PPP2R5A: variants seen among roughly 807,000 people sequenced by gnomAD.
PPP2R5A encodes the protein protein phosphatase 2 regulatory subunit B'alpha.
In PPP2R5A, 25 loss-of-function variants were observed where a neutral mutation model predicts 64.2. That is an observed-to-expected ratio of 0.39 (90% CI 0.28 to 0.54). The LOEUF (loss-of-function observed/expected upper bound fraction) is 0.54. Ranked by LOEUF, PPP2R5A falls within the 20% of genes least tolerant of loss-of-function variation. The probability of loss-of-function intolerance (pLI) is 0.67; values close to 1 mark genes in which losing one functional copy is unlikely to be tolerated. For synonymous variants in PPP2R5A, 198 were observed against 201.2 expected (o/e 0.98, Z 0.13); for missense variants, 425 against 576.3 (o/e 0.74, Z 2.69).
At chr1:212,331,573 A>G (rs777351439) in intron 2 of PPP2R5A, 11 of 152,162 alleles carry the variant, frequency 7.2e-5, no homozygotes, top group Non-Finnish European at 1.6e-4. Context: ...GAACATAAAT[A>G]CTAAATATTG....
chr1:212,356,802 T>C (rs1659984813), intron 9 of PPP2R5A, 126 bp downstream of exon 9: 1 of 1,298,920 alleles, frequency 7.7e-7, no homozygotes, highest in South Asian at 1.5e-5. Flanking sequence ...ACAGACTTGG[T>C]AGAAGACCTG....
intron 1 of PPP2R5A, among the ~76,000 whole-genome samples, chr1:212,327,397 A>G (rs1659424417): frequency 6.6e-6 from 1 of 152,120 alleles, no homozygotes; most frequent in South Asian, 2.1e-4. Flanking sequence ...TATTTTTGTA[A>G]TAAGTAGAAT....
Position 212,357,225 on chromosome 1 carries a change from T to C in PPP2R5A, c.1167T>C (p.Asp389=), listed in dbSNP as rs1414164466. ...YILSLIEENI[D]KILPIMFASL... ...TTAGTTTGATTGAGGAGAACATTGA[T>C]AAAATTCTGCCAATTATGTTTGCCA... The change falls in exon 11 of 13, where the codon GAT becomes GAC. Residue 389 remains aspartate, a synonymous_variant. Transcript: ENST00000261461. 3 of 1,596,602 alleles carry C rather than the reference T, an allele frequency of 1.9e-6. No homozygotes were observed. Among genetic ancestry groups the C allele is most frequent in the Non-Finnish European group, 2.6e-6 (3 of 1,174,642 alleles).
intron 11 of PPP2R5A, chr1:212,357,868 C>T (rs1233105290): frequency 6.6e-6 from 1 of 151,982 alleles, no homozygotes; most frequent in Non-Finnish European, 1.5e-5. Flanking sequence ...GCAATCATAC[C>T]TCACCGTAGC....
intron 1 of PPP2R5A, among the ~76,000 whole-genome samples, chr1:212,321,749 G>A (rs1347427693): frequency 2.7e-5 from 4 of 148,742 alleles, no homozygotes; most frequent in Admixed American, 6.6e-5. Context: ...GACGATGGGC[G>A]GCCAGGCAGA....
intron 1 of PPP2R5A, among the ~76,000 whole-genome samples, chr1:212,313,061 G>A (rs1162224137): frequency 6.6e-6 from 1 of 152,138 alleles, no homozygotes; most frequent in Admixed American, 6.5e-5. Context: ...CACCTCAGTA[G>A]CCCTATCTCT....
At position 212,360,647 on chromosome 1, in the gene PPP2R5A, G is replaced by C; in HGVS notation, c.1338G>C (p.Lys446Asn). 3.2e-6 allele frequency: 5 copies of C among 1,564,688 alleles called. No individual in the cohort carries two copies. Among genetic ancestry groups the C allele is most frequent in the Non-Finnish European group, 4.3e-6 (5 of 1,160,916 alleles). Reference protein sequence around the residue: ...SYKAERQREKKKELEREELWK... With the variant: ...SYKAERQREKNKELEREELWK... ...TTTGGTTTATCTACAGAGAGAAAAA[G>C]AAGGAATTGGAACGTGAAGAATTAT... The change falls in exon 13 of 13, where the codon AAG becomes AAC. Residue 446 changes from lysine to asparagine, a missense_variant. Coordinates refer to ENST00000261461, the MANE Select transcript of PPP2R5A (RefSeq NM_006243.4).
intron 12 of PPP2R5A, 141 bp from the exon 13 acceptor site, chr1:212,360,497 G>C: frequency 1.5e-6 from 1 of 664,420 alleles, no homozygotes; most frequent in Admixed American, 3.6e-5. Flanking sequence ...AGGTGCTCCA[G>C]GTAAGTGGAC....
chr1:212,286,642 C>T (rs957978194), intron 1 of PPP2R5A, among the ~76,000 whole-genome samples: 1 of 152,192 alleles, frequency 6.6e-6, no homozygotes. Flanking sequence ...CCCGGTCTTG[C>T]TTTAACAACC....
At chr1:212,329,590 A>G (rs1659464722) in intron 2 of PPP2R5A, among the ~76,000 whole-genome samples, 1 of 152,312 alleles carries the variant, frequency 6.6e-6, no homozygotes, top group Middle Eastern at 3.4e-3. Flanking sequence ...GCCTGGGATT[A>G]TACAGATTGA....
intron 12 of PPP2R5A, among the ~76,000 whole-genome samples, chr1:212,359,734 A>G (rs556180618): frequency 6.6e-6 from 1 of 152,350 alleles, no homozygotes; most frequent in Admixed American, 6.5e-5. Flanking sequence ...CTTCAAAGCC[A>G]TCCAGCCCAT....
At chr1:212,310,266 A>C (rs1405761443) in intron 1 of PPP2R5A, among the ~76,000 whole-genome samples, 1 of 151,398 alleles carries the variant, frequency 6.6e-6, no homozygotes, top group Non-Finnish European at 1.5e-5. Context: ...ATTTGTTCTA[A>C]CATCAGGAGG....
At chr1:212,351,108 AAAAAAC>A (rs1659870466) in intron 8 of PPP2R5A, among the ~76,000 whole-genome samples, 1 of 148,640 alleles carries the variant, frequency 6.7e-6, no homozygotes, top group Admixed American at 6.8e-5. Flanking sequence ...GACACAAAAA[AAAAAAC>A]AAAAAAACAA....
chr1:212,310,388 C>T (rs528750779), intron 1 of PPP2R5A, among the ~76,000 whole-genome samples: 1 of 152,160 alleles, frequency 6.6e-6, no homozygotes, highest in East Asian at 1.9e-4. Context: ...TCACCAAAAC[C>T]TCCACTGTTT....
chr1:212,342,753 C>T (rs989341550), intron 4 of PPP2R5A, among the ~76,000 whole-genome samples: 13 of 151,996 alleles, frequency 8.6e-5, no homozygotes, highest in Non-Finnish European at 1.6e-4. Flanking sequence ...CTTTTTCTTT[C>T]CTCTTTGCAC....
chr1:212,296,983 C>T (rs1200556250), intron 1 of PPP2R5A, among the ~76,000 whole-genome samples: 1 of 151,884 alleles, frequency 6.6e-6, no homozygotes, highest in African/African-American at 2.4e-5. Context: ...CAGTTTGTTG[C>T]CTGGACTGAA....
intron 1 of PPP2R5A, chr1:212,309,182 C>G: frequency 1.5e-6 from 2 of 1,343,042 alleles, no homozygotes; most frequent in Non-Finnish European, 2.1e-6. Flanking sequence ...AGCTTCTTCA[C>G]AGCCTGTTTA....
intron 1 of PPP2R5A, chr1:212,297,825 C>CTTTTTATTTTTTTTTTA (rs1658727606): frequency 4.5e-5 from 1 of 22,120 alleles, no homozygotes; most frequent in East Asian, 6.3e-4. Context: ...TTTTTTTTTT[C>CTTTTTATTTTTTTTTTA]TTTTTTATTT....
intron 4 of PPP2R5A, among the ~76,000 whole-genome samples, 193 bp downstream of exon 4, chr1:212,342,473 T>A (rs111643710): frequency 0.022 from 3,280 of 152,176 alleles, 131 homozygotes; most frequent in African/African-American, 0.074. Context: ...AGGGTGAGAG[T>A]CTAATGAAGT....
Sources: allele counts gnomAD v4.1 joint callset (sites outside exome capture counted in the v4.1 genomes callset), GRCh38; gene constraint gnomAD v4.1.1; transcripts MANE v1.5; gene names NCBI Gene and HGNC (gene_info 2026-07-23, HGNC 2026-07-21).